Variants in CCDC148 observed in about 807,000 individuals in gnomAD.
The protein encoded by CCDC148 is coiled-coil domain containing 148.
Under a neutral mutation model 85.7 loss-of-function variants are expected in CCDC148, and 89 were observed. The ratio of observed to expected loss-of-function variants is 1.04; its 90% CI spans 0.87 to 1.24. CCDC148 has a LOEUF of 1.24. Among genes scored for constraint, CCDC148 ranks in the 50% most tolerant of loss-of-function variants. The pLI is 0.00. For missense variants in CCDC148, 692 were observed against 671.7 expected (o/e 1.03, Z -0.33); for synonymous variants, 230 against 213.9 (o/e 1.08, Z -0.66).
chr2:158,389,493 T>A (rs1685218792), intron 1 of CCDC148, among the ~76,000 whole-genome samples: 1 of 152,174 alleles, frequency 6.6e-6, no homozygotes, highest in South Asian at 2.1e-4. Context: ...CAGTTCACAT[T>A]CTCTTAAAAG....
rs533023387 is a variant in CCDC148, at chr2:158,370,329, A to G, written c.26-11759T>C. Among the ~76,000 whole-genome samples the G allele has an allele frequency of 1.8e-4, 28 of 152,232 alleles. No individual in the cohort carries two copies. In the South Asian group the frequency reaches 5.8e-3, roughly 32 times the overall value. ...ATTTTAAAAATATATACATGTAGAA[A>G]CATCTTGGATGTGGTATCAAATTAT... On this transcript the variant is annotated intron_variant, in intron 1 of 13. Transcript: ENST00000283233.
Position 158,441,574 on chromosome 2 carries a change from G to T in CCDC148, c.25+14841C>A, listed in dbSNP as rs914924759. ...TATTTGAGATAAAAAATATGCTGAG[G>T]ATGTTTTATTAAAAGGCCAAATTCT... is the stretch of plus-strand genomic sequence containing the variant. On this transcript the variant is annotated intron_variant, in intron 1 of 13. Coordinates refer to ENST00000283233, the MANE Select transcript of CCDC148 (RefSeq NM_138803.4). 6.6e-5 allele frequency among the ~76,000 whole-genome samples: 10 copies of T among 152,128 alleles called. No individual in the cohort carries two copies. The East Asian group carries it at 1.5e-3, about 23-fold the overall frequency.
At chr2:158,278,297 C>T (rs955403524) in intron 9 of CCDC148, among the ~76,000 whole-genome samples, 5 of 151,946 alleles carry the variant, frequency 3.3e-5, no homozygotes, top group South Asian at 2.1e-4. Flanking sequence ...TGCAGCTCAC[C>T]ATGCACGAGC....
chr2:158,253,306 T>A (rs904459873), intron 9 of CCDC148, among the ~76,000 whole-genome samples: 6 of 151,614 alleles, frequency 4.0e-5, no homozygotes, highest in African/African-American at 1.5e-4. Flanking sequence ...CCCTTTGATG[T>A]AGCTAACACA....
At chr2:158,346,872 T>C (rs1683020107) in intron 2 of CCDC148, among the ~76,000 whole-genome samples, 1 of 152,208 alleles carries the variant, frequency 6.6e-6, no homozygotes, top group Admixed American at 6.5e-5. Flanking sequence ...TCTGCTGTTC[T>C]GGTTACTGAT....
intron 7 of CCDC148, among the ~76,000 whole-genome samples, chr2:158,331,673 T>G (rs1339128060): frequency 2.0e-5 from 3 of 152,210 alleles, no homozygotes; most frequent in Non-Finnish European, 4.4e-5. Context: ...GGACTTGCTT[T>G]ATGAATCTGG....
intron 1 of CCDC148, among the ~76,000 whole-genome samples, chr2:158,384,179 T>A (rs1684989826): frequency 6.6e-6 from 1 of 152,196 alleles, no homozygotes. Flanking sequence ...ATTAAGGTAG[T>A]GCCTGTCAGG....
intron 7 of CCDC148, 148 bp from the exon 8 acceptor site, chr2:158,314,042 T>C (rs1692169151): frequency 4.3e-6 from 3 of 695,930 alleles, no homozygotes; most frequent in South Asian, 5.4e-5. Flanking sequence ...TTAATGTCTG[T>C]TTCAGAAAAG....
intron 1 of CCDC148, among the ~76,000 whole-genome samples, chr2:158,402,396 A>G (rs1418136527): frequency 6.6e-6 from 1 of 150,968 alleles, no homozygotes; most frequent in African/African-American, 2.4e-5. Flanking sequence ...TTTGTTCGTA[A>G]TGCAGATTGG....
At chr2:158,281,616 G>A (rs543307202) in intron 9 of CCDC148, among the ~76,000 whole-genome samples, 48 of 152,306 alleles carry the variant, frequency 3.2e-4, no homozygotes, top group African/African-American at 1.1e-3. Flanking sequence ...AACAGGAAGT[G>A]AAATTGTGGC....
chr2:158,440,274 CTGTT>C (rs750861169), intron 1 of CCDC148, among the ~76,000 whole-genome samples: 64 of 152,260 alleles, frequency 4.2e-4, no homozygotes, highest in Non-Finnish European at 7.8e-4. Context: ...TTTTGGAAAA[CTGTT>C]TGGCAGTTTC....
At chr2:158,396,754 G>A (rs1244920709) in intron 1 of CCDC148, among the ~76,000 whole-genome samples, 3 of 151,972 alleles carry the variant, frequency 2.0e-5, no homozygotes, top group Admixed American at 6.6e-5. Flanking sequence ...GTTGTAAAAA[G>A]GGGCAAAAAT....
chr2:158,429,291 TA>T (rs1225936062), intron 1 of CCDC148, among the ~76,000 whole-genome samples: 8 of 151,736 alleles, frequency 5.3e-5, no homozygotes, highest in Non-Finnish European at 1.0e-4. Context: ...ATAATAATAA[TA>T]AAAAAATAAG....
intron 9 of CCDC148, among the ~76,000 whole-genome samples, chr2:158,306,111 G>A (rs1392354231): frequency 6.6e-6 from 1 of 152,188 alleles, no homozygotes; most frequent in Non-Finnish European, 1.5e-5. Context: ...GGTAGATGAA[G>A]GGTTGACTAC....
chr2:158,433,799 T>C (rs1182970455), intron 1 of CCDC148, among the ~76,000 whole-genome samples: 1 of 152,208 alleles, frequency 6.6e-6, no homozygotes, highest in Non-Finnish European at 1.5e-5. Flanking sequence ...CCAAGGGTCT[T>C]AGCAAATGGC....
chr2:158,371,651 T>G (rs1007541562), intron 1 of CCDC148, among the ~76,000 whole-genome samples: 65 of 150,768 alleles, frequency 4.3e-4, no homozygotes, highest in African/African-American at 1.5e-3. Flanking sequence ...TCCATATCAT[T>G]CTATTTGTGT....
chr2:158,208,837 T>C (rs1291377717), intron 11 of CCDC148, among the ~76,000 whole-genome samples: 1 of 152,126 alleles, frequency 6.6e-6, no homozygotes, highest in Non-Finnish European at 1.5e-5. Flanking sequence ...AAAGGATTTC[T>C]GTTGCTTGTA....
Position 158,172,169 on chromosome 2 carries a change from T to G in CCDC148, c.1720A>C (p.Ile574Leu). Residue 574 changes from isoleucine to leucine, a missense_variant, in exon 14 of 14, where the codon ATT becomes CTT. Physicochemically the swap from Ile to Leu is conservative, Grantham distance 5. Coordinates refer to ENST00000283233, the MANE Select transcript of CCDC148 (RefSeq NM_138803.4). ...TTTCTTGGAGGTTTTTGAGGACTAATTTTTGGTAATATCTCTTTAGCATAA... is the reference window on the plus strand; with the variant it reads ...TTTCTTGGAGGTTTTTGAGGACTAAGTTTTGGTAATATCTCTTTAGCATAA... Reference protein sequence around the residue: ...TLYAKEILPKISPQKPPRKDM... With the variant: ...TLYAKEILPKLSPQKPPRKDM... The G allele has an allele frequency of 1.2e-6, 2 of 1,610,002 alleles. No homozygotes were observed. Among genetic ancestry groups the G allele is most frequent in the East Asian group, 2.2e-5 (1 of 44,702 alleles).
At chr2:158,454,409 A>C (rs1320851069) in intron 1 of CCDC148, among the ~76,000 whole-genome samples, 2 of 152,242 alleles carry the variant, frequency 1.3e-5, no homozygotes, top group African/African-American at 4.8e-5. Flanking sequence ...GCTCATGTTT[A>C]GGAGCATAAG....
Sources: allele counts gnomAD v4.1 joint callset (sites outside exome capture counted in the v4.1 genomes callset), GRCh38; gene constraint gnomAD v4.1.1; transcripts MANE v1.5; gene names NCBI Gene and HGNC (gene_info 2026-07-23, HGNC 2026-07-21).